RPS6KA2: variants seen among roughly 807,000 people sequenced by gnomAD.
RPS6KA2 encodes ribosomal protein S6 kinase A2, also known as ribosomal protein S6 kinase alpha-2.
In RPS6KA2, 42 loss-of-function variants were observed where a neutral mutation model predicts 91.8. The ratio of observed to expected loss-of-function variants is 0.46; its 90% CI spans 0.36 to 0.59. The LOEUF is 0.59. RPS6KA2 is among the 20% of genes least tolerant of loss of function. The probability of loss-of-function intolerance (pLI) is 0.00; values close to 1 mark genes in which losing one functional copy is unlikely to be tolerated. For missense variants in RPS6KA2, 798 were observed against 978.5 expected (o/e 0.82, Z 2.46); for synonymous variants, 414 against 393.6 (o/e 1.05, Z -0.61).
At chr6:166,572,033 C>T (rs1487014195) in intron 1 of RPS6KA2, among the ~76,000 whole-genome samples, 1 of 152,082 alleles carries the variant, frequency 6.6e-6, no homozygotes, top group African/African-American at 2.4e-5. Context: ...AAAATGCATT[C>T]ATAATATTTA....
chr6:166,628,941 C>A (rs1786993650), upstream of RPS6KA2, among the ~76,000 whole-genome samples: 1 of 152,298 alleles, frequency 6.6e-6, no homozygotes, highest in East Asian at 1.9e-4. Context: ...CTTTTTGCTC[C>A]TTTTCAAGAT....
intron 11 of RPS6KA2, among the ~76,000 whole-genome samples, chr6:166,468,818 C>G (rs986392589): frequency 7.2e-6 from 1 of 139,778 alleles, no homozygotes; most frequent in Non-Finnish European, 1.5e-5. Context: ...GAGCCGAGAT[C>G]GCGCCACTGC....
chr6:166,825,600 G>A lies in RPS6KA2; in HGVS notation c.123+32600C>T, dbSNP rs1050258162. ...CAGAAATGTAGTGGTCCCAGGTCTG[G>A]AGGCTGGAAGTCCAAGGTCAAGGCA... On this transcript the variant is annotated intron_variant, in intron 2 of 21. Coordinates refer to the RPS6KA2 transcript ENST00000503859. This position sits in a 1 kb window ranked among gnomAD's most constrained non-coding sequence, Gnocchi z 4.1. 6.6e-6 allele frequency among the ~76,000 whole-genome samples: 1 copy of A among 152,098 alleles called. No homozygotes were observed. Among genetic ancestry groups the A allele is most frequent in the Non-Finnish European group, 1.5e-5 (1 of 68,020 alleles).
intron 2 of RPS6KA2, among the ~76,000 whole-genome samples, chr6:166,651,787 A>G (rs1262384013): frequency 6.6e-6 from 1 of 152,226 alleles, no homozygotes; most frequent in Non-Finnish European, 1.5e-5. Context: ...CTTCCATCTC[A>G]TACCTCATCA....
chr6:166,799,249 G>A (rs564904120), intron 2 of RPS6KA2, among the ~76,000 whole-genome samples: 46 of 152,304 alleles, frequency 3.0e-4, no homozygotes, highest in African/African-American at 9.1e-4. Flanking sequence ...CCCCAGCATC[G>A]CTGATATTGA....
At chr6:166,824,052 TTGTG>T in intron 2 of RPS6KA2, among the ~76,000 whole-genome samples, 1 of 151,890 alleles carries the variant, frequency 6.6e-6, no homozygotes, top group African/African-American at 2.4e-5. Context: ...CTCTGGTTGG[TTGTG>T]TATGTGTGTG....
intron 1 of RPS6KA2, among the ~76,000 whole-genome samples, chr6:166,568,341 C>T (rs1008986626): frequency 2.0e-5 from 3 of 152,112 alleles, no homozygotes; most frequent in Admixed American, 1.3e-4. Flanking sequence ...TGGCCAGGCG[C>T]GGTGACTCAC....
chr6:166,492,538 T>C (rs138080999), intron 8 of RPS6KA2, among the ~76,000 whole-genome samples: 1 of 152,330 alleles, frequency 6.6e-6, no homozygotes, highest in Non-Finnish European at 1.5e-5. Context: ...TTAATAGCAC[T>C]ATGAAATCCC....
intron 1 of RPS6KA2, among the ~76,000 whole-genome samples, chr6:166,605,034 C>T (rs1012353425): frequency 9.2e-5 from 14 of 152,070 alleles, no homozygotes; most frequent in Admixed American, 2.6e-4. Context: ...CAGGCCCTCC[C>T]GTTCCAGGGC....
rs1027114035 is a variant in RPS6KA2, at chr6:166,763,411, T to C, written c.123+94789A>G. ...AATCCATGACTCCCCTACTTGGCTG[T>C]GTCACCTGGTACAACTTAATTGCCT... On this transcript the variant is annotated intron_variant, in intron 2 of 21. Coordinates refer to the RPS6KA2 transcript ENST00000503859. Among the ~76,000 whole-genome samples the C allele has an allele frequency of 2.0e-5, 3 of 152,246 alleles. No homozygotes were observed. The East Asian group carries it at 5.8e-4, about 29-fold the overall frequency.
chr6:166,635,517 C>G lies in RPS6KA2; in HGVS notation c.124-96733G>C, dbSNP rs557436262. On this transcript the variant is annotated intron_variant, in intron 2 of 21. Transcript: ENST00000503859. The surrounding 1 kb of genome is among the most constrained non-coding windows in gnomAD (Gnocchi z 4.8). The stretch of plus-strand genomic sequence containing the variant: ...ATACACAGGGACAGACAAGGGTGTT[C>G]CGTCAGGGAAGCTCAGGCTAAAGGC... Among the ~76,000 whole-genome samples, 4 of 152,330 alleles carry G rather than the reference C, an allele frequency of 2.6e-5. No individual in the cohort carries two copies. The highest frequency in any genetic ancestry group is 2.6e-4 in the Admixed American group (4 of 15,306).
rs10583661 is a variant in RPS6KA2 at position 166,625,331 on chromosome 6, A to AC, written c.99+1589dup. On this transcript the variant is annotated intron_variant, in intron 1 of 20. Transcript: ENST00000265678. Reference sequence around the variant, plus strand: ...CGTTTCCTATTCCCACCACCCCCCCACCCCCCCCCCCGCTTGTTTCCCACT... The same window carrying AC: ...CGTTTCCTATTCCCACCACCCCCCCACCCCCCCCCCCCGCTTGTTTCCCACT... Among the ~76,000 whole-genome samples, 520 of 52,580 alleles carry AC rather than the reference A, an allele frequency of 9.9e-3. 6 individuals carry two copies. The highest frequency in any genetic ancestry group is 0.022 in the South Asian group (23 of 1,024). 34.5% of individuals were successfully genotyped at this position (52,580 alleles called of 152,430 possible).
At chr6:166,574,201 G>T (rs1784774477) in intron 1 of RPS6KA2, among the ~76,000 whole-genome samples, 2 of 152,148 alleles carry the variant, frequency 1.3e-5, no homozygotes, top group Non-Finnish European at 2.9e-5. Flanking sequence ...TCCATGTGCA[G>T]GTTTGTTACG....
At chr6:166,629,917 A>T (rs1787019633), upstream of RPS6KA2, among the ~76,000 whole-genome samples, 1 of 151,434 alleles carries the variant, frequency 6.6e-6, no homozygotes, top group Non-Finnish European at 1.5e-5. Context: ...ACACAAAATG[A>T]TTACAACATC....
chr6:166,614,983 G>A (rs934572385), intron 1 of RPS6KA2, among the ~76,000 whole-genome samples: 19 of 152,224 alleles, frequency 1.2e-4, no homozygotes, highest in South Asian at 4.2e-4. Context: ...TGGCTTTCTC[G>A]AGGAGACATT....
In RPS6KA2 at chr6:166,684,788, T is replaced by C. The variant is rs1199531806; in HGVS notation, c.124-146004A>G. ...CTCCCAACTTGAACATTTATCACCC[T>C]TCCCCCTGAACAACTTGATTTGTTT... is the stretch of plus-strand genomic sequence containing the variant. On this transcript the variant is annotated intron_variant, in intron 2 of 21. Coordinates refer to the RPS6KA2 transcript ENST00000503859. Among the ~76,000 whole-genome samples the C allele has an allele frequency of 2.0e-5, 3 of 152,356 alleles. No homozygotes were observed. The South Asian group carries it at 6.2e-4, about 32-fold the overall frequency.
intron 2 of RPS6KA2, among the ~76,000 whole-genome samples, chr6:166,660,835 A>G (rs1788143820): frequency 6.6e-6 from 1 of 151,550 alleles, no homozygotes; most frequent in Non-Finnish European, 1.5e-5. Flanking sequence ...CCATTGATGG[A>G]TTTTTTTTTA....
chr6:166,828,571 C>T (rs988930450), intron 2 of RPS6KA2, among the ~76,000 whole-genome samples: 2 of 152,146 alleles, frequency 1.3e-5, no homozygotes, highest in African/African-American at 2.4e-5. Context: ...TTCAGTGTGC[C>T]TTAAAAGTGG....
intron 13 of RPS6KA2, among the ~76,000 whole-genome samples, chr6:166,449,824 ACAG>A (rs1278913046): frequency 6.4e-5 from 8 of 125,084 alleles, no homozygotes; most frequent in Admixed American, 2.5e-4. Flanking sequence ...GGGAACCACC[ACAG>A]GGACCACCAC....
Sources: gnomAD v4.1 joint callset for allele counts (sites outside exome capture counted in the v4.1 genomes callset) on GRCh38, gnomAD v4.1.1 for gene constraint, Gnocchi (gnomAD v3.1) non-coding constraint, MANE v1.5 for transcripts, NCBI Gene and HGNC (gene_info 2026-07-23, HGNC 2026-07-21) for gene names.